Variants in MYH7 observed in about 807,000 individuals in gnomAD.
The protein encoded by MYH7 is myosin heavy chain 7, also known as myosin-7.
A neutral mutation model predicts 225.4 loss-of-function variants in MYH7; 129 were observed. That is an observed-to-expected ratio of 0.57 (90% confidence interval 0.50 to 0.66). The LOEUF is 0.66. Ranked by LOEUF, MYH7 falls within the 30% of genes least tolerant of loss-of-function variation. The pLI, the probability that MYH7 is intolerant of heterozygous loss-of-function variation, is 0.00. For synonymous variants in MYH7, 971 were observed against 1,007.6 expected (o/e 0.96, Z 0.69); for missense variants, 1,649 against 2,517.0 (o/e 0.66, Z 7.38).
In MYH7 at chr14:23,429,208, A is replaced by C. The variant is rs184607533; in HGVS notation, c.1257+21T>G. 918 of 1,612,520 alleles carry C rather than the reference A, an allele frequency of 5.7e-4. 8 individuals are homozygous for C. Among genetic ancestry groups the C allele is most frequent in the Non-Finnish European group, 1.5e-4 (181 of 1,178,518 alleles). ...AGTCTCCCTACCCTGCCCACCCATT[A>C]TCATCTGAAGATGGACCCACCTGCT... On this transcript the variant is annotated intron_variant, in intron 13 of 39. Transcript: ENST00000355349.
In MYH7 at chr14:23,420,253, C is replaced by T. The variant is rs1190731517; in HGVS notation, c.3337-19G>A. 3 of 1,608,630 alleles carry T rather than the reference C, an allele frequency of 1.9e-6. No homozygotes were observed. In the Admixed American group the frequency reaches 5.0e-5, roughly 27 times the overall value. On this transcript the variant is annotated intron_variant, in intron 26 of 39. Coordinates refer to ENST00000355349, the MANE Select transcript of MYH7 (RefSeq NM_000257.4). ...TGCGTGCCTGGTCAGACACAAAGGG[C>T]TCAGACCCACCGCCTGGACCCCTCC...
chr14:23,428,944 T>G lies in MYH7; in HGVS notation c.1407+11A>C. ...GTGATTGTTCTCCCACTCCCAGGGG[T>G]CCCAACTCACATCGAAGATCTCGAA... On this transcript the variant is annotated intron_variant, in intron 14 of 39. Transcript: ENST00000355349. 1 of 1,614,024 alleles carries G rather than the reference T, an allele frequency of 6.2e-7. No individual in the cohort carries two copies. The highest frequency in any genetic ancestry group is 8.5e-7 in the Non-Finnish European group (1 of 1,180,020).
At chr14:23,432,334 G>T in intron 6 of MYH7, 145 bp downstream of exon 6, 1 of 994,166 alleles carries the variant, frequency 1.0e-6, no homozygotes, top group East Asian at 2.4e-5. Context: ...AGAGGGGTCA[G>T]GGTAATGGTC....
At position 23,419,467 on chromosome 14, in the gene MYH7, C is replaced by T. The variant is rs755724326; in HGVS notation, c.3853+16G>A. 9.9e-6 allele frequency: 16 copies of T among 1,613,734 alleles called. No homozygotes were observed. The highest frequency in any genetic ancestry group is 6.7e-5 in the East Asian group (3 of 44,872). On this transcript the variant is annotated intron_variant, in intron 28 of 39. Coordinates refer to ENST00000355349, the MANE Select transcript of MYH7 (RefSeq NM_000257.4). ...AGACTGTGGTGGGAACCATGGAGCCCCTGCTCTAGGCTCACCATTCTCGGT... is the reference window on the plus strand; with the variant it reads ...AGACTGTGGTGGGAACCATGGAGCCTCTGCTCTAGGCTCACCATTCTCGGT...
Position 23,413,647 on chromosome 14 carries a change from T to C in MYH7, c.5790+112A>G, listed in dbSNP as rs149372787. 5.5e-5 allele frequency: 80 copies of C among 1,460,602 alleles called. No individual in the cohort carries two copies. The East Asian group carries it at 1.9e-3, about 35-fold the overall frequency. The allele number at this position is 1,460,602 out of a possible 1,614,324, so 90.5% of individuals were successfully genotyped here. Reference sequence around the variant, plus strand: ...TGCATTACCTTGGCCTCTGGGGCCATGTGGCTCAAGTGTGTGGAATAAATG... The same window carrying C: ...TGCATTACCTTGGCCTCTGGGGCCACGTGGCTCAAGTGTGTGGAATAAATG... On this transcript the variant is annotated intron_variant, in intron 39 of 39. Transcript: ENST00000355349.
chr14:23,421,101 G>T (rs1024993901), intron 25 of MYH7, 53 bp from the exon 26 acceptor site: 1 of 1,355,544 alleles, frequency 7.4e-7, no homozygotes, highest in East Asian at 2.3e-5. Flanking sequence ...GCCTCAGGAG[G>T]GTCCACCAGT....
intron 16 of MYH7, 47 bp from the exon 17 acceptor site, chr14:23,427,354 G>T: frequency 1.2e-6 from 2 of 1,606,740 alleles, no homozygotes; most frequent in Non-Finnish European, 1.7e-6. Context: ...TGGGGAGGTA[G>T]GGTGTGAGTA....
intron 27 of MYH7, 58 bp from the exon 28 acceptor site, chr14:23,419,667 G>A: frequency 2.5e-6 from 4 of 1,613,454 alleles, no homozygotes; most frequent in African/African-American, 2.7e-5. Flanking sequence ...ATGAAGGGGT[G>A]TAAGAGGTGC....
Position 23,417,563 on chromosome 14 carries a change from G to A in MYH7, c.4293C>T (p.Asp1431=), listed in dbSNP as rs45560242. 110 of 1,612,398 alleles carry A rather than the reference G, an allele frequency of 6.8e-5. 1 individual carries two copies. The highest frequency in any genetic ancestry group is 2.7e-4 in the South Asian group (25 of 91,000). ...LQNEIEDLMV[D]VERSNAAAAA... is the part of the protein sequence containing the mutation. Reference sequence around the variant, plus strand: ...CAGCAGCAGCATTGGAGCGCTCTACGTCCACCATCAAGTCCTCGATCTCAT... The same window carrying A: ...CAGCAGCAGCATTGGAGCGCTCTACATCCACCATCAAGTCCTCGATCTCAT... Residue 1431 remains aspartate, a synonymous_variant, in exon 31 of 40, where the codon GAC becomes GAT. Coordinates refer to ENST00000355349, the MANE Select transcript of MYH7 (RefSeq NM_000257.4).
rs758436258 is a variant in MYH7 at position 23,415,051 on chromosome 14, C to G, written c.5503G>C (p.Glu1835Gln). The G allele has an allele frequency of 6.2e-7, 1 of 1,612,762 alleles. No individual in the cohort carries two copies. The highest frequency in any genetic ancestry group is 1.7e-5 in the Admixed American group (1 of 60,028). Residue 1835 changes from glutamate to glutamine, a missense_variant, in exon 37 of 40, where the codon GAG becomes CAG. Glu to Gln is a conservative substitution (Grantham distance 29, BLOSUM62 2). This residue lies in a region of MYH7 where 687 missense variants were observed against 913.8 expected (regional missense o/e 0.75). Transcript: ENST00000355349. This position sits in a 1 kb window ranked among gnomAD's most constrained non-coding sequence, Gnocchi z 6.3. ...CTCTTCCTCATGCCCTTCACCGACT[C>G]TGCGTTGCGCTTCTGCTCGGCCTCC... is the stretch of plus-strand genomic sequence containing the variant. ...ELEAEQKRNAESVKGMRKSER... is the reference protein window; with the variant it reads ...ELEAEQKRNAQSVKGMRKSER...
intron 37 of MYH7, 81 bp from the exon 38 acceptor site, chr14:23,414,183 C>T: frequency 8.2e-7 from 1 of 1,225,710 alleles, no homozygotes; most frequent in Non-Finnish European, 1.2e-6. Flanking sequence ...CCTGCTTCAT[C>T]TGATATCCTG....
At chr14:23,418,040 C>G (rs770562960) in intron 30 of MYH7, 170 bp downstream of exon 30, 8 of 1,080,444 alleles carry the variant, frequency 7.4e-6, no homozygotes, top group Non-Finnish European at 1.2e-5. Flanking sequence ...AAACATAATT[C>G]GAGCAAAAAG....
chr14:23,418,707 C>T (rs1892337596), intron 29 of MYH7, among the ~76,000 whole-genome samples: 1 of 152,194 alleles, frequency 6.6e-6, no homozygotes, highest in Non-Finnish European at 1.5e-5. Context: ...GGTTAGGGGA[C>T]TTCCCTAACC....
In MYH7 at chr14:23,434,532, A is replaced by G. The variant is rs1893072634; in HGVS notation, c.-64-283T>C. On this transcript the variant is annotated intron_variant, in intron 1 of 39. Transcript: ENST00000355349. ...CCCCTGCCTGTACCCATCTAGTGGT[A>G]CCTTTCTTTGAGCCATCTGAGAGAC... Among the ~76,000 whole-genome samples the G allele has an allele frequency of 2.6e-5, 4 of 152,268 alleles. No individual in the cohort carries two copies. In the South Asian group the frequency reaches 8.3e-4, roughly 32 times the overall value.
At position 23,423,562 on chromosome 14, in the gene MYH7, C is replaced by T. The variant is rs2138662312; in HGVS notation, c.3084G>A (p.Glu1028=). 18 of 1,613,956 alleles carry T rather than the reference C, an allele frequency of 1.1e-5. No individual in the cohort carries two copies. Among genetic ancestry groups the T allele is most frequent in the Non-Finnish European group, 1.5e-5 (18 of 1,179,992 alleles). Reference sequence around the variant, plus strand: ...ATCTACTCACATCATCCACTTGCTGCTCCAGCTTGACTTTGGCCTTAGTCA... The same window carrying T: ...ATCTACTCACATCATCCACTTGCTGTTCCAGCTTGACTTTGGCCTTAGTCA... ...NTLTKAKVKL[E]QQVDDLEGSL... The change falls in exon 24 of 40, where the codon GAG becomes GAA. Residue 1028 remains glutamate (E), a synonymous_variant. Transcript: ENST00000355349.
chr14:23,424,979 C>T lies in MYH7; in HGVS notation c.2469G>A (p.Gly823=), dbSNP rs606231338. The change falls in exon 22 of 40, where the codon GGG becomes GGA. Residue 823 remains glycine (G), a synonymous_variant. Transcript: ENST00000355349. ...GCTTCATCCAGGGCCAATTCTTGAC[C>T]CCCATGAAGGCCCGAATGTTCCACT... is the stretch of plus-strand genomic sequence containing the variant. ...VIQWNIRAFM[G]VKNWPWMKLY... 1 of 1,614,230 alleles carries T rather than the reference C, an allele frequency of 6.2e-7. No individual in the cohort carries two copies. The highest frequency in any genetic ancestry group is 8.5e-7 in the Non-Finnish European group (1 of 1,180,048).
In MYH7 at chr14:23,420,220, C is replaced by T. The variant is rs45554236; in HGVS notation, c.3351G>A (p.Glu1117=). ...KLKELQARIE[E]LEEELEAERT... ...GCTCGGCCTCCAGCTCCTCCTCCAG[C>T]TCCTCGATGCGTGCCTGGTCAGACA... is the stretch of plus-strand genomic sequence containing the variant. The change falls in exon 27 of 40, where the codon GAG becomes GAA. Residue 1117 remains glutamate (E), a synonymous_variant. Transcript: ENST00000355349. The T allele has an allele frequency of 3.5e-3, 5,561 of 1,609,180 alleles. 27 individuals carry two copies. The highest frequency in any genetic ancestry group is 4.3e-3 in the Non-Finnish European group (5,108 of 1,178,670).
At chr14:23,429,144 T>C (rs1188736213) in intron 13 of MYH7, 40 bp from the exon 14 acceptor site, 2 of 1,614,002 alleles carry the variant, frequency 1.2e-6, no homozygotes, top group Non-Finnish European at 1.7e-6. Flanking sequence ...GCAGGGTTGT[T>C]GGGAAGAGTG....
intron 6 of MYH7, among the ~76,000 whole-genome samples, chr14:23,432,215 G>A (rs1892974550): frequency 1.3e-5 from 2 of 152,206 alleles, no homozygotes; most frequent in Non-Finnish European, 2.9e-5. Flanking sequence ...AAGACATGGC[G>A]ATAATGAGCT....
Sources: allele counts gnomAD v4.1 joint callset (sites outside exome capture counted in the v4.1 genomes callset), GRCh38; gene constraint gnomAD v4.1.1; regional missense constraint gnomAD v4.1.1; non-coding constraint Gnocchi (gnomAD v3.1); transcripts MANE v1.5; gene names NCBI Gene and HGNC (gene_info 2026-07-23, HGNC 2026-07-21).